TTLL6: variants seen among roughly 807,000 people sequenced by gnomAD.
TTLL6 encodes the protein tubulin tyrosine ligase like 6.
TTLL6 carries 75 observed loss-of-function variants against 96.4 expected under a neutral mutation model. The ratio of observed to expected loss-of-function variants is 0.78; its 90% CI spans 0.65 to 0.94. The LOEUF is 0.94. Among genes scored for constraint, TTLL6 ranks in the 40% least tolerant of loss-of-function variants. The probability of loss-of-function intolerance (pLI) is 0.00; values close to 1 mark genes in which losing one functional copy is unlikely to be tolerated. For missense variants in TTLL6, 1,030 were observed against 1,093.0 expected, an observed-to-expected ratio of 0.94 and a Z score of 0.81; for synonymous variants, 411 against 419.4, an observed-to-expected ratio of 0.98 and a Z score of 0.24.
chr17:48,769,373 G>T, intron 14 of TTLL6, 119 bp from the exon 15 acceptor site: 1 of 1,277,132 alleles, frequency 7.8e-7, no homozygotes, highest in Non-Finnish European at 1.1e-6. Flanking sequence ...AAAGCTCTTT[G>T]AGCCAGAATC....
chr17:48,783,833 T>C (rs2039035954), intron 13 of TTLL6, among the ~76,000 whole-genome samples: 2 of 152,224 alleles, frequency 1.3e-5, no homozygotes, highest in South Asian at 4.1e-4. Flanking sequence ...TATGCTTGTA[T>C]ATATTCATAA....
intron 8 of TTLL6, 80 bp downstream of exon 8, chr17:48,795,981 T>C: frequency 8.5e-7 from 1 of 1,182,716 alleles, no homozygotes. Flanking sequence ...TGATGGGGAC[T>C]AACAGGGTTT....
Position 48,797,103 on chromosome 17 carries a change from G to A in TTLL6, c.870C>T (p.Arg290=). The A allele has an allele frequency of 1.3e-6, 2 of 1,551,542 alleles. No homozygotes were observed. The highest frequency in any genetic ancestry group is 1.7e-6 in the Non-Finnish European group (2 of 1,146,980). ...RIFVYNEGLA[R]FATTSYSRPC... ...GGCGGGAGTAAGAGGTCGTCGCAAA[G>A]CGGGCCAGTCCTTCATTGTACACAA... The change falls in exon 7 of 16, where the codon CGC becomes CGT. Residue 290 remains arginine (R), a synonymous_variant. Transcript: ENST00000393382.
rs115869046 is a variant in TTLL6, at chr17:48,784,895, C to T, written c.2040+28G>A. On this transcript the variant is annotated intron_variant, in intron 13 of 15. Transcript: ENST00000393382. ...ACCAGTAAGCAAGACTCCCACCACT[C>T]CCTCCCAGAGCTCGGCTCACTACTT... 2,522 of 1,594,930 alleles carry T rather than the reference C, an allele frequency of 1.6e-3. 36 individuals are homozygous for T. In the African/African-American group the frequency reaches 0.03, roughly 19 times the overall value.
Position 48,769,095 on chromosome 17 carries a change from C to T in TTLL6, c.2570G>A (p.Arg857Lys), listed in dbSNP as rs1438582275. The change falls in exon 15 of 16, where the codon AGG becomes AAG. Residue 857 changes from arginine to lysine, a missense_variant. Transcript: ENST00000393382. The stretch of plus-strand genomic sequence containing the variant: ...AGCACTTGCGTGGCTTCTACAAGGC[C>T]TTGGATCCAGTTGGGCTGGAGTGGC... ...VIATPAQLDP[R>K]PCRSHASAMR... 3 of 1,614,182 alleles carry T rather than the reference C, an allele frequency of 1.9e-6. No individual in the cohort carries two copies. The highest frequency in any genetic ancestry group is 2.2e-5 in the South Asian group (2 of 91,080).
At chr17:48,772,240 G>A (rs9913867) in intron 13 of TTLL6, among the ~76,000 whole-genome samples, 1 of 152,032 alleles carries the variant, frequency 6.6e-6, no homozygotes, top group East Asian at 1.9e-4. Context: ...ATCCCAGCAC[G>A]TTGGGAAGCC....
intron 13 of TTLL6, 82 bp downstream of exon 13, chr17:48,784,841 G>T: frequency 8.0e-7 from 1 of 1,246,388 alleles, no homozygotes; most frequent in Non-Finnish European, 1.1e-6. Context: ...TTACTCAAAG[G>T]GTCACAGCAA....
intron 13 of TTLL6, among the ~76,000 whole-genome samples, chr17:48,781,454 G>A (rs953025498): frequency 2.6e-5 from 4 of 152,046 alleles, no homozygotes; most frequent in Non-Finnish European, 5.9e-5. Context: ...CATCCTCACC[G>A]AGGCTTATTT....
rs1229784343 is a variant in TTLL6, at chr17:48,764,533, G to A, written c.*1-1560C>T. On this transcript the variant is annotated intron_variant, in intron 15 of 15. Coordinates refer to ENST00000393382, the MANE Select transcript of TTLL6 (RefSeq NM_001130918.3). ...TCTATGAGATATGATCTGTAAACCT[G>A]ATGTGTGGAAGGTGTTATTACTCTT... Among the ~76,000 whole-genome samples, 4 of 152,136 alleles carry A rather than the reference G, an allele frequency of 2.6e-5. 1 individual carries two copies. Among genetic ancestry groups the A allele is most frequent in the Non-Finnish European group, 5.9e-5 (4 of 68,040 alleles).
At chr17:48,794,430 CA>C in intron 8 of TTLL6, 1 of 1,380,886 alleles carries the variant, frequency 7.2e-7, no homozygotes, top group Non-Finnish European at 9.6e-7. Flanking sequence ...GGAGTCTCAT[CA>C]CGTTCATCCT....
chr17:48,816,370 G>T (rs951455184), intron 1 of TTLL6, among the ~76,000 whole-genome samples: 1 of 151,732 alleles, frequency 6.6e-6, no homozygotes, highest in Non-Finnish European at 1.5e-5. Flanking sequence ...GCACATACTG[G>T]TGCTTTCAAA....
intron 7 of TTLL6, among the ~76,000 whole-genome samples, chr17:48,796,554 G>T (rs1299994339): frequency 4.0e-5 from 6 of 151,570 alleles, no homozygotes. Flanking sequence ...AGGAGGCAGA[G>T]GTTGCAATGA....
At chr17:48,787,449 G>A (rs1386144963) in intron 11 of TTLL6, among the ~76,000 whole-genome samples, 2 of 152,092 alleles carry the variant, frequency 1.3e-5, no homozygotes, top group Admixed American at 6.5e-5. Context: ...GGAGTGCAGG[G>A]GTGCAATCAC....
At chr17:48,807,018 G>A (rs1598002036) in intron 1 of TTLL6, among the ~76,000 whole-genome samples, 2 of 151,318 alleles carry the variant, frequency 1.3e-5, no homozygotes, top group South Asian at 4.2e-4. Context: ...CAACAACAGC[G>A]AGACTCCGTC....
intron 1 of TTLL6, among the ~76,000 whole-genome samples, chr17:48,808,561 T>C (rs1475150317): frequency 6.6e-6 from 1 of 152,008 alleles, no homozygotes; most frequent in East Asian, 1.9e-4. Flanking sequence ...CTATACATAT[T>C]TGCTATTTGT....
chr17:48,769,602 G>C, intron 14 of TTLL6, 126 bp downstream of exon 14: 5 of 1,183,048 alleles, frequency 4.2e-6, no homozygotes, highest in Non-Finnish European at 6.0e-6. Flanking sequence ...ATCAGACTGG[G>C]GTTTCCCTGA....
intron 13 of TTLL6, among the ~76,000 whole-genome samples, chr17:48,780,150 GTTTA>G (rs753028983): frequency 2.0e-5 from 3 of 152,132 alleles, no homozygotes; most frequent in African/African-American, 7.2e-5. Context: ...CATTTTGTTT[GTTTA>G]TTTATTTTGA....
chr17:48,790,318 C>T (rs192473743), intron 9 of TTLL6, among the ~76,000 whole-genome samples: 6 of 152,194 alleles, frequency 3.9e-5, no homozygotes, highest in African/African-American at 1.2e-4. Flanking sequence ...TTATCTCAGG[C>T]CTTTCTTCTT....
chr17:48,806,669 T>C (rs972454244), intron 1 of TTLL6, among the ~76,000 whole-genome samples: 1 of 152,258 alleles, frequency 6.6e-6, no homozygotes, highest in Admixed American at 6.5e-5. Context: ...GGATGAGAAA[T>C]CACCTGTAGC....
Sources: allele counts gnomAD v4.1 joint callset (sites outside exome capture counted in the v4.1 genomes callset), GRCh38; gene constraint gnomAD v4.1.1; transcripts MANE v1.5; gene names NCBI Gene and HGNC (gene_info 2026-07-23, HGNC 2026-07-21).